Variants in CLSTN2 observed in about 807,000 individuals in gnomAD.
The protein encoded by CLSTN2 is calsyntenin-2.
Under a neutral mutation model 101.2 loss-of-function variants are expected in CLSTN2, and 48 were observed. That is an observed-to-expected ratio of 0.47 (90% CI 0.38 to 0.60). CLSTN2 has a LOEUF of 0.60. Ranked by LOEUF, CLSTN2 falls within the 20% of genes least tolerant of loss-of-function variation. CLSTN2 has a pLI of 0.00. For synonymous variants in CLSTN2, 481 were observed against 463.6 expected (o/e 1.04, Z -0.48); for missense variants, 1,160 against 1,238.2 (o/e 0.94, Z 0.95).
intron 1 of CLSTN2, among the ~76,000 whole-genome samples, chr3:140,046,267 A>G (rs921891422): frequency 2.6e-5 from 4 of 152,112 alleles, no homozygotes; most frequent in African/African-American, 9.7e-5. Context: ...CCATTATGTA[A>G]TGGCCTTCTT....
At chr3:140,241,744 A>G in intron 2 of CLSTN2, among the ~76,000 whole-genome samples, 1 of 151,568 alleles carries the variant, frequency 6.6e-6, no homozygotes, top group Non-Finnish European at 1.5e-5. Flanking sequence ...TTTGACAGGC[A>G]CACAATTTAA....
At chr3:140,559,820 G>C (rs575762597) in intron 12 of CLSTN2, among the ~76,000 whole-genome samples, 56 of 152,144 alleles carry the variant, frequency 3.7e-4, no homozygotes, top group Non-Finnish European at 7.1e-4. Flanking sequence ...AAACCACCCT[G>C]GTCCCTAGTG....
At chr3:140,201,981 T>C (rs887819099) in intron 2 of CLSTN2, among the ~76,000 whole-genome samples, 2 of 152,184 alleles carry the variant, frequency 1.3e-5, no homozygotes, top group East Asian at 3.9e-4. Context: ...AATGAGGGGA[T>C]GCACCCTGTG....
chr3:140,451,361 C>A (rs961070466), intron 6 of CLSTN2, among the ~76,000 whole-genome samples: 2 of 152,192 alleles, frequency 1.3e-5, no homozygotes, highest in Non-Finnish European at 2.9e-5. Flanking sequence ...GCCAACCTTG[C>A]CTTGCAGAAG....
intron 2 of CLSTN2, among the ~76,000 whole-genome samples, chr3:140,212,359 G>A (rs1444004935): frequency 6.6e-6 from 1 of 152,152 alleles, no homozygotes; most frequent in Non-Finnish European, 1.5e-5. Context: ...ATGGAAAATC[G>A]GTTTGGGGTA....
At chr3:140,391,233 G>A (rs80099890) in intron 2 of CLSTN2, among the ~76,000 whole-genome samples, 5,591 of 152,204 alleles carry the variant, frequency 0.037, 172 homozygotes, top group African/African-American at 0.091. Flanking sequence ...GCTGTACCAC[G>A]GGGTTGCAGC....
intron 2 of CLSTN2, among the ~76,000 whole-genome samples, chr3:140,232,113 G>T (rs991198852): frequency 6.6e-6 from 1 of 152,178 alleles, no homozygotes; most frequent in Non-Finnish European, 1.5e-5. Flanking sequence ...TATCAATTCT[G>T]TTCTGGAAAC....
chr3:140,071,634 A>G (rs2008395830), intron 1 of CLSTN2, among the ~76,000 whole-genome samples: 1 of 152,024 alleles, frequency 6.6e-6, no homozygotes, highest in Non-Finnish European at 1.5e-5. Flanking sequence ...AATTGAGACC[A>G]TCCTGTCTAA....
intron 1 of CLSTN2, among the ~76,000 whole-genome samples, chr3:140,022,935 C>A (rs1424303776): frequency 1.3e-5 from 2 of 152,164 alleles, no homozygotes; most frequent in Admixed American, 1.3e-4. Context: ...TCCTCAAGGT[C>A]CCAACCCTGC....
At chr3:140,560,766 C>T (rs1316299337) in intron 12 of CLSTN2, among the ~76,000 whole-genome samples, 2 of 152,086 alleles carry the variant, frequency 1.3e-5, no homozygotes, top group African/African-American at 2.4e-5. Flanking sequence ...CAGTCAGCCA[C>T]AGCGGGAGGT....
At chr3:140,121,561 C>G (rs2009341759) in intron 1 of CLSTN2, among the ~76,000 whole-genome samples, 1 of 152,160 alleles carries the variant, frequency 6.6e-6, no homozygotes, top group Non-Finnish European at 1.5e-5. Flanking sequence ...AAAAGGGAAG[C>G]CACAAGAACA....
chr3:140,508,381 G>GCAAT (rs1934726754), intron 8 of CLSTN2: 1 of 152,148 alleles, frequency 6.6e-6, no homozygotes, highest in Admixed American at 6.5e-5. Flanking sequence ...AGCTCTTAAT[G>GCAAT]CAATCATTTG....
intron 1 of CLSTN2, among the ~76,000 whole-genome samples, chr3:140,044,690 T>G (rs1048196629): frequency 1.8e-4 from 27 of 152,200 alleles, no homozygotes; most frequent in Non-Finnish European, 2.6e-4. Context: ...TCTTATTATT[T>G]TGAGATACAT....
chr3:140,076,625 G>GTTTTTTTTTTTTTTTTTT lies in CLSTN2; in HGVS notation c.110-99315_110-99298dup, dbSNP rs35645750. 5.3e-4 allele frequency among the ~76,000 whole-genome samples: 20 copies of GTTTTTTTTTTTTTTTTTT among 38,070 alleles called. 3 individuals are homozygous for GTTTTTTTTTTTTTTTTTT. The highest frequency in any genetic ancestry group is 2.2e-3 in the African/African-American group (20 of 8,918). The allele number at this position is 38,070 out of a possible 152,430, so 25.0% of individuals were successfully genotyped here. ...CAATGACTCCCCTCTCACCAGCAGTGTTTTTTTTTTTTTTTTTTTTTTTTT... is the reference window on the plus strand; with the variant it reads ...CAATGACTCCCCTCTCACCAGCAGTGTTTTTTTTTTTTTTTTTTTTTTTTTTTTTTTTTTTTTTTTTTT... On this transcript the variant is annotated intron_variant, in intron 1 of 16. Transcript: ENST00000458420.
chr3:140,225,920 A>ATTTT (rs1356930730), intron 2 of CLSTN2, among the ~76,000 whole-genome samples: 3,456 of 151,942 alleles, frequency 0.023, 129 homozygotes, highest in African/African-American at 0.08. Flanking sequence ...TTTTTTTTAA[A>ATTTT]AAAAAAAGGA....
chr3:139,960,279 C>T (rs897170553), intron 1 of CLSTN2, among the ~76,000 whole-genome samples: 10 of 152,162 alleles, frequency 6.6e-5, no homozygotes, highest in African/African-American at 9.7e-5. Context: ...ACTATGGTGC[C>T]GTATGCATCC....
chr3:140,025,974 ATCCCTTGT>A (rs1440865020), intron 1 of CLSTN2, among the ~76,000 whole-genome samples: 2 of 152,050 alleles, frequency 1.3e-5, no homozygotes, highest in Non-Finnish European at 2.9e-5. Flanking sequence ...AGTGAAGGTG[ATCCCTTGT>A]TCCCTTCCCT....
intron 1 of CLSTN2, among the ~76,000 whole-genome samples, chr3:140,065,564 GAGA>G (rs2008285515): frequency 6.6e-6 from 1 of 152,104 alleles, no homozygotes; most frequent in African/African-American, 2.4e-5. Flanking sequence ...ATCCTGAGAG[GAGA>G]AGCCAGGAGC....
intron 8 of CLSTN2, chr3:140,508,687 A>C (rs911020241): frequency 6.6e-6 from 1 of 152,174 alleles, no homozygotes; most frequent in South Asian, 2.1e-4. Context: ...GGCCTGCTCA[A>C]ATATTAAACT....
Sources: allele counts gnomAD v4.1 joint callset (sites outside exome capture counted in the v4.1 genomes callset), GRCh38; gene constraint gnomAD v4.1.1; transcripts MANE v1.5; gene names NCBI Gene and HGNC (gene_info 2026-07-23, HGNC 2026-07-21).